Variants in RXFP1 observed in about 807,000 individuals in gnomAD.
RXFP1 encodes the protein relaxin family peptide receptor 1.
Under a neutral mutation model 89.8 loss-of-function variants are expected in RXFP1, and 73 were observed. The ratio of observed to expected loss-of-function variants is 0.81; its 90% CI spans 0.67 to 0.99. The LOEUF (loss-of-function observed/expected upper bound fraction) is 0.99, where lower values mean the gene tolerates loss of function less well. Ranked by LOEUF, RXFP1 falls within the 50% of genes least tolerant of loss-of-function variation. The pLI is 0.00. For synonymous variants in RXFP1, 277 were observed against 305.5 expected (o/e 0.91, Z 0.97); for missense variants, 793 against 895.5 (o/e 0.89, Z 1.46).
chr4:158,564,791 T>G (rs1753206570), intron 1 of RXFP1, among the ~76,000 whole-genome samples: 1 of 152,240 alleles, frequency 6.6e-6, no homozygotes, highest in Non-Finnish European at 1.5e-5. Context: ...ATATCATTTT[T>G]TCTATTGATT....
chr4:158,583,264 T>C (rs1179778346), intron 2 of RXFP1, among the ~76,000 whole-genome samples: 1 of 152,256 alleles, frequency 6.6e-6, no homozygotes, highest in Non-Finnish European at 1.5e-5. Context: ...CAATTGGTCC[T>C]GTGTTTAAAA....
chr4:158,563,782 T>C (rs981995965), intron 1 of RXFP1, among the ~76,000 whole-genome samples: 32 of 151,236 alleles, frequency 2.1e-4, no homozygotes, highest in African/African-American at 7.5e-4. Context: ...CCCATAAGAT[T>C]ACAATGGAGC....
At chr4:158,609,430 G>A (rs969523840) in intron 6 of RXFP1, among the ~76,000 whole-genome samples, 1 of 152,136 alleles carries the variant, frequency 6.6e-6, no homozygotes, top group African/African-American at 2.4e-5. Context: ...CTTTCTCAAT[G>A]TTCCGTTTTA....
chr4:158,544,944 A>G (rs1043498260), intron 1 of RXFP1, among the ~76,000 whole-genome samples: 7 of 152,050 alleles, frequency 4.6e-5, no homozygotes, highest in African/African-American at 1.4e-4. Flanking sequence ...ATGATTTATA[A>G]TCCTTTGGGT....
rs1755332048 is a variant in RXFP1 at position 158,572,663 on chromosome 4, C to T, written c.50-35C>T. 4 of 1,601,878 alleles carry T rather than the reference C, an allele frequency of 2.5e-6. No homozygotes were observed. In the South Asian group the frequency reaches 4.4e-5, roughly 18 times the overall value. ...CTTTGCCACGCCTTTGTATTAACCACCTTCAAACTTTGTGTCTTCTCCCCT... is the reference window on the plus strand; with the variant it reads ...CTTTGCCACGCCTTTGTATTAACCATCTTCAAACTTTGTGTCTTCTCCCCT... On this transcript the variant is annotated intron_variant, in intron 1 of 17. Coordinates refer to ENST00000307765, the MANE Select transcript of RXFP1 (RefSeq NM_021634.4).
rs750171038 is a variant in RXFP1 at position 158,639,222 on chromosome 4, C to T, written c.1044-38C>T. The T allele has an allele frequency of 2.0e-5, 23 of 1,130,088 alleles. No individual in the cohort carries two copies. In the Admixed American group the frequency reaches 3.6e-4, roughly 17 times the overall value. The allele number at this position is 1,130,088 out of a possible 1,614,324, so 70.0% of individuals were successfully genotyped here. On this transcript the variant is annotated intron_variant, in intron 13 of 17. Transcript: ENST00000307765. ...TCAATTTATTAAACCATGTATAATA[C>T]ATGTTCCTTTGATTGATTATTAATT... is the stretch of plus-strand genomic sequence containing the variant.
intron 1 of RXFP1, among the ~76,000 whole-genome samples, chr4:158,528,548 A>G (rs183660314): frequency 6.6e-6 from 1 of 152,222 alleles, no homozygotes; most frequent in Non-Finnish European, 1.5e-5. Context: ...CACCAAGTGG[A>G]TGTCTTCACT....
At chr4:158,631,265 T>C (rs1767971619) in intron 11 of RXFP1, among the ~76,000 whole-genome samples, 2 of 152,228 alleles carry the variant, frequency 1.3e-5, no homozygotes, top group Admixed American at 1.3e-4. Flanking sequence ...CACATTGCTT[T>C]ACTAATATGA....
chr4:158,542,512 G>A (rs965610678), intron 1 of RXFP1, among the ~76,000 whole-genome samples: 5 of 152,062 alleles, frequency 3.3e-5, no homozygotes, highest in Admixed American at 2.6e-4. Context: ...TCAGGGACTG[G>A]TCTCCTGTTA....
At chr4:158,636,529 C>A (rs1384133911) in intron 12 of RXFP1, among the ~76,000 whole-genome samples, 1 of 152,134 alleles carries the variant, frequency 6.6e-6, no homozygotes, top group Admixed American at 6.5e-5. Context: ...AGAGTATCTA[C>A]CACAAGCTGG....
intron 1 of RXFP1, among the ~76,000 whole-genome samples, chr4:158,552,976 G>A (rs1325339568): frequency 1.3e-5 from 2 of 152,130 alleles, no homozygotes; most frequent in African/African-American, 4.8e-5. Flanking sequence ...CTTGAACCCA[G>A]GAGTTTGAGA....
chr4:158,561,630 T>TG (rs1479188048), intron 1 of RXFP1, among the ~76,000 whole-genome samples: 7 of 142,380 alleles, frequency 4.9e-5, no homozygotes, highest in African/African-American at 1.6e-4. Flanking sequence ...TTTTTTCTTT[T>TG]TTTTTTTTTT....
chr4:158,593,357 A>G lies in RXFP1; in HGVS notation c.188-44A>G, dbSNP rs753481044. ...CTGTCTCCCCACAATATACCAGAATATCTCTGTTCCTTGAACTTTTTTGTT... is the reference window on the plus strand; with the variant it reads ...CTGTCTCCCCACAATATACCAGAATGTCTCTGTTCCTTGAACTTTTTTGTT... On this transcript the variant is annotated intron_variant, in intron 2 of 17. Coordinates refer to ENST00000307765, the MANE Select transcript of RXFP1 (RefSeq NM_021634.4). The G allele has an allele frequency of 5.7e-6, 7 of 1,227,212 alleles. No homozygotes were observed. In the African/African-American group the frequency reaches 7.4e-5, roughly 13 times the overall value. 76.0% of individuals were successfully genotyped at this position (1,227,212 alleles called of 1,614,324 possible).
chr4:158,609,059 C>T (rs1277515435), intron 6 of RXFP1, among the ~76,000 whole-genome samples: 1 of 152,050 alleles, frequency 6.6e-6, no homozygotes, highest in African/African-American at 2.4e-5. Context: ...GGGTTGTTTC[C>T]ACCTTTTGGC....
chr4:158,547,625 A>G (rs4597776), intron 1 of RXFP1, among the ~76,000 whole-genome samples: 31,957 of 151,470 alleles, frequency 0.21, 4,650 homozygotes, highest in African/African-American at 0.4. Flanking sequence ...CTTTGAATGC[A>G]TCCCAGAGAT....
chr4:158,594,183 T>G (rs1760075104), intron 3 of RXFP1, among the ~76,000 whole-genome samples: 2 of 152,168 alleles, frequency 1.3e-5, no homozygotes, highest in Non-Finnish European at 2.9e-5. Context: ...CCTCTGACAT[T>G]CCAGACATGG....
At chr4:158,649,684 A>AC (rs1279194252) in intron 17 of RXFP1, among the ~76,000 whole-genome samples, 6 of 152,240 alleles carry the variant, frequency 3.9e-5, no homozygotes, top group African/African-American at 1.4e-4. Flanking sequence ...ATTTTAAAAA[A>AC]ACACACATAC....
At chr4:158,544,195 CT>C in intron 1 of RXFP1, 3 of 985,242 alleles carry the variant, frequency 3.0e-6, no homozygotes, top group Non-Finnish European at 3.6e-6. Context: ...AACCGCAAGT[CT>C]GAGTTTATAA....
chr4:158,539,752 T>C (rs1318756082), intron 1 of RXFP1, among the ~76,000 whole-genome samples: 1 of 152,190 alleles, frequency 6.6e-6, no homozygotes, highest in Non-Finnish European at 1.5e-5. Flanking sequence ...AGTATATTTT[T>C]AGTACAGTCA....
Sources: allele counts gnomAD v4.1 joint callset (sites outside exome capture counted in the v4.1 genomes callset), GRCh38; gene constraint gnomAD v4.1.1; transcripts MANE v1.5; gene names NCBI Gene and HGNC (gene_info 2026-07-23, HGNC 2026-07-21).